MICU1: variants seen among roughly 807,000 people sequenced by gnomAD.
MICU1 encodes mitochondrial calcium uptake 1, also known as calcium uptake protein 1, mitochondrial.
Under a neutral mutation model 56.8 loss-of-function variants are expected in MICU1, and 45 were observed. That is an observed-to-expected ratio of 0.79 (90% CI 0.62 to 1.02). The LOEUF (loss-of-function observed/expected upper bound fraction) is 1.02. Ranked by LOEUF, MICU1 falls within the 50% of genes least tolerant of loss-of-function variation. The pLI is 0.00. For missense variants in MICU1, 504 were observed against 587.1 expected (o/e 0.86, Z 1.46); for synonymous variants, 186 against 195.1 (o/e 0.95, Z 0.39).
intron 8 of MICU1, among the ~76,000 whole-genome samples, chr10:72,445,033 G>A (rs1030225069): frequency 6.6e-6 from 1 of 152,166 alleles, no homozygotes. Context: ...TGTGGGCTCT[G>A]CTACAAAGCT....
chr10:72,392,438 G>T (rs1025159723), intron 10 of MICU1, among the ~76,000 whole-genome samples: 2 of 152,048 alleles, frequency 1.3e-5, no homozygotes, highest in African/African-American at 4.8e-5. Flanking sequence ...AGGTGTGGTG[G>T]CATGTGCCTG....
intron 9 of MICU1, among the ~76,000 whole-genome samples, chr10:72,422,089 A>G (rs922500350): frequency 6.6e-6 from 1 of 152,096 alleles, no homozygotes; most frequent in East Asian, 1.9e-4. Flanking sequence ...ACTGTGCCCA[A>G]TGTGGTTGTA....
chr10:72,602,019 C>T (rs1468505407), intron 1 of MICU1, among the ~76,000 whole-genome samples: 4 of 149,984 alleles, frequency 2.7e-5, no homozygotes, highest in East Asian at 4.0e-4. Flanking sequence ...AGGCTGGTCT[C>T]GAACTCCTGA....
chr10:72,595,827 A>T (rs1589376642), intron 1 of MICU1, among the ~76,000 whole-genome samples: 1 of 152,120 alleles, frequency 6.6e-6, no homozygotes, highest in African/African-American at 2.4e-5. Context: ...TTTTTAAAAA[A>T]TTTTGGATGA....
At chr10:72,566,464 T>C (rs994157986) in intron 2 of MICU1, among the ~76,000 whole-genome samples, 169 bp downstream of exon 2, 5 of 152,212 alleles carry the variant, frequency 3.3e-5, no homozygotes, top group African/African-American at 9.6e-5. Flanking sequence ...CCTTAGCATG[T>C]TGAATTCTTT....
intron 4 of MICU1, among the ~76,000 whole-genome samples, chr10:72,536,737 T>G (rs1839647209): frequency 6.6e-6 from 1 of 152,220 alleles, no homozygotes; most frequent in Non-Finnish European, 1.5e-5. Flanking sequence ...ATCCAAATAG[T>G]ATCATTTTAA....
At chr10:72,565,895 A>G (rs78016167) in intron 2 of MICU1, among the ~76,000 whole-genome samples, 5 of 152,216 alleles carry the variant, frequency 3.3e-5, no homozygotes, top group Admixed American at 1.3e-4. Context: ...GAAAGAGAAG[A>G]CTGTGGCTCA....
At chr10:72,569,377 G>C (rs1024309155) in intron 1 of MICU1, among the ~76,000 whole-genome samples, 1 of 150,162 alleles carries the variant, frequency 6.7e-6, no homozygotes, top group Non-Finnish European at 1.5e-5. Flanking sequence ...TGGGACTACA[G>C]GCACATACCA....
intron 8 of MICU1, among the ~76,000 whole-genome samples, chr10:72,474,258 CAAAAAAAAAAAA>C (rs55978543): frequency 1.6e-4 from 10 of 60,728 alleles, no homozygotes; most frequent in Admixed American, 3.0e-4. Context: ...AGGACTGTCT[CAAAAAAAAAAAA>C]AAAAAAAAAA....
At position 72,368,166 on chromosome 10, in the gene MICU1, G is replaced by A. The variant is rs2132023575; in HGVS notation, c.*29C>T. 1 of 1,597,910 alleles carries A rather than the reference G, an allele frequency of 6.3e-7. No homozygotes were observed. Among genetic ancestry groups the A allele is most frequent in the Non-Finnish European group, 8.6e-7 (1 of 1,169,362 alleles). ...GCGGAGGGGGTCCAGGGTACTGGGG[G>A]TGGAGGGGTCCCCTCTTGCAGTGTG... is the stretch of plus-strand genomic sequence containing the variant. On this transcript the variant is annotated 3_prime_UTR_variant, in exon 12 of 12. Transcript: ENST00000361114.
At chr10:72,532,612 G>A (rs1336109964) in intron 5 of MICU1, among the ~76,000 whole-genome samples, 1 of 152,158 alleles carries the variant, frequency 6.6e-6, no homozygotes, top group East Asian at 1.9e-4. Context: ...AAGGATCAGA[G>A]AAAAGATGAA....
chr10:72,617,572 A>G (rs1430607520), intron 1 of MICU1, among the ~76,000 whole-genome samples: 2 of 152,156 alleles, frequency 1.3e-5, no homozygotes, highest in Non-Finnish European at 2.9e-5. Context: ...TCTACTAAAA[A>G]TAAAATCCCA....
chr10:72,524,462 T>C lies in MICU1; in HGVS notation c.537+9284A>G, dbSNP rs146429347. 7.9e-4 allele frequency among the ~76,000 whole-genome samples: 120 copies of C among 152,306 alleles called. 1 individual carries two copies. The East Asian group carries it at 0.02, about 25-fold the overall frequency. ...AAGTATCTCTTATGCTTAACAAGAG[T>C]GATTACAACAAAATTTCTTAACCTT... On this transcript the variant is annotated intron_variant, in intron 5 of 11. Transcript: ENST00000361114.
At chr10:72,560,861 C>T (rs1382028866) in intron 3 of MICU1, among the ~76,000 whole-genome samples, 1 of 152,068 alleles carries the variant, frequency 6.6e-6, no homozygotes, top group Non-Finnish European at 1.5e-5. Context: ...CAGACCGAGA[C>T]TCCATCTCAA....
intron 1 of MICU1, among the ~76,000 whole-genome samples, chr10:72,601,045 G>T (rs1461951547): frequency 1.3e-5 from 2 of 152,166 alleles, no homozygotes; most frequent in Admixed American, 1.3e-4. Flanking sequence ...AGGGTACACA[G>T]GGGACTTCTG....
intron 1 of MICU1, among the ~76,000 whole-genome samples, chr10:72,615,428 G>A (rs1168040116): frequency 6.6e-6 from 1 of 152,106 alleles, no homozygotes; most frequent in African/African-American, 2.4e-5. Flanking sequence ...ACACTGTGCT[G>A]TGGTATTAAA....
chr10:72,380,677 T>C (rs1862672852), intron 10 of MICU1, among the ~76,000 whole-genome samples: 1 of 152,214 alleles, frequency 6.6e-6, no homozygotes, highest in Non-Finnish European at 1.5e-5. Flanking sequence ...TTAAATAATT[T>C]GCCCAGGGTC....
chr10:72,571,288 G>A (rs766092274), intron 1 of MICU1, among the ~76,000 whole-genome samples: 9 of 152,220 alleles, frequency 5.9e-5, no homozygotes, highest in Non-Finnish European at 8.8e-5. Flanking sequence ...CACTTGAACC[G>A]AGGAGGCGGA....
At chr10:72,561,033 G>GATTA (rs1465824672) in intron 3 of MICU1, among the ~76,000 whole-genome samples, 3 of 152,180 alleles carry the variant, frequency 2.0e-5, no homozygotes, top group African/African-American at 7.2e-5. Context: ...TGTTGAAATA[G>GATTA]ATTATTAGAG....
Sources: gnomAD v4.1 joint callset for allele counts (sites outside exome capture counted in the v4.1 genomes callset) on GRCh38, gnomAD v4.1.1 for gene constraint, MANE v1.5 for transcripts, NCBI Gene and HGNC (gene_info 2026-07-23, HGNC 2026-07-21) for gene names.